PRKAR2B: variants seen among roughly 807,000 people sequenced by gnomAD.
The protein encoded by PRKAR2B is protein kinase cAMP-dependent type II regulatory subunit beta, also known as cAMP-dependent protein kinase type II-beta regulatory subunit.
PRKAR2B carries 14 observed loss-of-function variants against 49.9 expected under a neutral mutation model. The observed-to-expected ratio is 0.28, with a 90% CI of 0.19 to 0.44. PRKAR2B has a LOEUF of 0.44. Among genes scored for constraint, PRKAR2B ranks in the 20% least tolerant of loss-of-function variants. PRKAR2B has a pLI of 1.00. For missense variants in PRKAR2B, 393 were observed against 537.9 expected (o/e 0.73, Z 2.67); for synonymous variants, 196 against 197.7 (o/e 0.99, Z 0.07).
chr7:107,069,214 G>C (rs144989817), intron 1 of PRKAR2B, among the ~76,000 whole-genome samples: 17 of 152,304 alleles, frequency 1.1e-4, no homozygotes, highest in African/African-American at 4.1e-4. Flanking sequence ...GGGATTACAG[G>C]CGTGAGCCAC....
chr7:107,072,213 T>C (rs747277939), intron 2 of PRKAR2B, among the ~76,000 whole-genome samples: 1 of 151,962 alleles, frequency 6.6e-6, no homozygotes, highest in East Asian at 1.9e-4. Flanking sequence ...GAAATGTCAG[T>C]GAAAACAACA....
chr7:107,161,389 A>G lies in PRKAR2B; in HGVS notation c.*1807A>G, dbSNP rs1485131962. 6.6e-6 allele frequency: 1 copy of G among 152,668 alleles called. No homozygotes were observed. The highest frequency in any genetic ancestry group is 1.5e-5 in the Non-Finnish European group (1 of 68,038). 9.5% of individuals were successfully genotyped at this position (152,668 alleles called of 1,614,324 possible). A position where few individuals can be genotyped will look rare whatever the true frequency, so the allele number is the denominator to read the frequency against. ...ATTGTTAACTATTCATGGAACAGCA[A>G]ACGCCTGTTTAATAAAGAACTTTGA... On this transcript the variant is annotated 3_prime_UTR_variant, in exon 11 of 11. Transcript: ENST00000265717.
intron 1 of PRKAR2B, among the ~76,000 whole-genome samples, chr7:107,055,992 A>G (rs1284002740): frequency 3.3e-5 from 5 of 152,180 alleles, no homozygotes; most frequent in African/African-American, 7.2e-5. Context: ...TAATTTTTGT[A>G]TAAGGTGTAA....
At chr7:107,052,703 C>A (rs1226510450) in intron 1 of PRKAR2B, among the ~76,000 whole-genome samples, 1 of 152,224 alleles carries the variant, frequency 6.6e-6, no homozygotes, top group African/African-American at 2.4e-5. Context: ...AAATAAGCTA[C>A]CTACTTTTCC....
At position 107,159,424 on chromosome 7, in the gene PRKAR2B, A is replaced by T. The variant is rs200271677; in HGVS notation, c.1124-25A>T. On this transcript the variant is annotated intron_variant, in intron 10 of 10. Transcript: ENST00000265717. Reference sequence around the variant, plus strand: ...TGCAGATTTGCAAAGAATGTTATTTAAAAAAAAATCTTCTCTTTTCTCAGC... The same window carrying T: ...TGCAGATTTGCAAAGAATGTTATTTTAAAAAAAATCTTCTCTTTTCTCAGC... The T allele has an allele frequency of 2.1e-4, 340 of 1,593,996 alleles. 3 individuals carry two copies. The highest frequency in any genetic ancestry group is 1.8e-3 in the Middle Eastern group (11 of 6,020).
intron 1 of PRKAR2B, among the ~76,000 whole-genome samples, chr7:107,049,937 T>C (rs1354174343): frequency 6.7e-6 from 1 of 148,764 alleles, no homozygotes; most frequent in Non-Finnish European, 1.5e-5. Context: ...CATAAAACAA[T>C]AGTGTCAGAA....
intron 1 of PRKAR2B, among the ~76,000 whole-genome samples, chr7:107,047,502 C>G (rs1195514810): frequency 1.4e-5 from 2 of 147,678 alleles, no homozygotes; most frequent in Non-Finnish European, 3.0e-5. Context: ...AGCTGCAGAT[C>G]AAGGCCATAG....
chr7:107,094,968 A>G (rs1327166856), intron 2 of PRKAR2B, among the ~76,000 whole-genome samples: 3 of 152,204 alleles, frequency 2.0e-5, no homozygotes, highest in African/African-American at 7.2e-5. Context: ...CTTTTGACTT[A>G]GGATTGTCTT....
rs1562837330 is a variant in PRKAR2B at position 107,044,858 on chromosome 7, CG to C, written c.-46del. The stretch of plus-strand genomic sequence containing the variant: ...GCAGCCGCGGGGCCCTAGGCCGTGC[CG>C]GGGAGGGGGCGAGGGCGGCGCCCAG... On this transcript the variant is annotated 5_prime_UTR_variant, in exon 1 of 11. Transcript: ENST00000265717. The C allele has an allele frequency of 2.0e-6, 3 of 1,507,618 alleles. No homozygotes were observed. In the South Asian group the frequency reaches 3.7e-5, roughly 19 times the overall value. The allele number at this position is 1,507,618 out of a possible 1,614,324, so 93.4% of individuals were successfully genotyped here.
At chr7:107,133,260 C>T (rs1022781301) in intron 4 of PRKAR2B, among the ~76,000 whole-genome samples, 7 of 152,130 alleles carry the variant, frequency 4.6e-5, no homozygotes, top group African/African-American at 1.7e-4. Context: ...TCAGGAATTG[C>T]CTTTTCATAT....
At chr7:107,154,665 A>G (rs866373485) in intron 8 of PRKAR2B, among the ~76,000 whole-genome samples, 1 of 152,222 alleles carries the variant, frequency 6.6e-6, no homozygotes, top group African/African-American at 2.4e-5. Context: ...AACTTCTTGA[A>G]TTTGTATTAA....
Position 107,045,201 on chromosome 7 carries a change from A to G in PRKAR2B, c.294A>G (p.Ala98=). 2 of 1,457,774 alleles carry G rather than the reference A, an allele frequency of 1.4e-6. No individual in the cohort carries two copies. Among genetic ancestry groups the G allele is most frequent in the Non-Finnish European group, 1.8e-6 (2 of 1,106,214 alleles). The allele number at this position is 1,457,774 out of a possible 1,614,324, so 90.3% of individuals were successfully genotyped here. The change falls in exon 1 of 11, where the codon GCA becomes GCG. Residue 98 remains alanine (A), a synonymous_variant. Coordinates refer to ENST00000265717, the MANE Select transcript of PRKAR2B (RefSeq NM_002736.3). ...AGGAGGAGGCGGCGCCCGCGGACGC[A>G]GGGGCGTTCAATGGTGAGGACCAGA... ...GEEEEAAPAD[A]GAFNAPVINR...
chr7:107,151,566 T>C (rs1795988604), intron 7 of PRKAR2B, among the ~76,000 whole-genome samples: 1 of 152,238 alleles, frequency 6.6e-6, no homozygotes. Flanking sequence ...AATAAACCCA[T>C]TGTGAGTTGA....
At chr7:107,090,132 G>A (rs1338959126) in intron 2 of PRKAR2B, among the ~76,000 whole-genome samples, 1 of 152,176 alleles carries the variant, frequency 6.6e-6, no homozygotes, top group Non-Finnish European at 1.5e-5. Context: ...GGTTTATTGA[G>A]ATGGCAGGGG....
At position 107,150,980 on chromosome 7, in the gene PRKAR2B, A is replaced by T; in HGVS notation, c.800A>T (p.Tyr267Phe). 1 of 1,599,906 alleles carries T rather than the reference A, an allele frequency of 6.3e-7. No individual in the cohort carries two copies. Among genetic ancestry groups the T allele is most frequent in the Non-Finnish European group, 8.5e-7 (1 of 1,174,086 alleles). ...AACAATGCCAAAAAGAGAAAAATGT[A>T]TGAAAGCTTTATTGAGTCACTGCCA... ...VKNNAKKRKM[Y>F]ESFIESLPFL... Residue 267 changes from tyrosine to phenylalanine, a missense_variant, in exon 7 of 11, where the codon TAT becomes TTT. This residue lies in a region of PRKAR2B where 233 missense variants were observed against 390.4 expected (regional missense o/e 0.60). Coordinates refer to ENST00000265717, the MANE Select transcript of PRKAR2B (RefSeq NM_002736.3).
chr7:107,048,290 G>A (rs1242228675), intron 1 of PRKAR2B, among the ~76,000 whole-genome samples: 1 of 152,134 alleles, frequency 6.6e-6, no homozygotes, highest in Non-Finnish European at 1.5e-5. Context: ...AGTAAGTAGG[G>A]AAGCCTGATT....
At chr7:107,118,953 T>C (rs1429490836) in intron 2 of PRKAR2B, among the ~76,000 whole-genome samples, 1 of 152,196 alleles carries the variant, frequency 6.6e-6, no homozygotes, top group Non-Finnish European at 1.5e-5. Context: ...TAAGTCCTTG[T>C]AGTACTGGCA....
intron 1 of PRKAR2B, among the ~76,000 whole-genome samples, chr7:107,055,154 A>G (rs1188496622): frequency 1.3e-5 from 2 of 152,090 alleles, no homozygotes; most frequent in East Asian, 3.9e-4. Flanking sequence ...ATCCTTTTTT[A>G]TGGCTGCATA....
intron 8 of PRKAR2B, among the ~76,000 whole-genome samples, chr7:107,154,464 C>G (rs540505676): frequency 6.6e-6 from 1 of 152,008 alleles, no homozygotes; most frequent in Non-Finnish European, 1.5e-5. Flanking sequence ...TCAGAACACT[C>G]GAAAACTTAA....
Sources: gnomAD v4.1 joint callset for allele counts (sites outside exome capture counted in the v4.1 genomes callset) on GRCh38, gnomAD v4.1.1 for gene constraint, gnomAD v4.1.1 regional missense constraint, MANE v1.5 for transcripts, NCBI Gene and HGNC (gene_info 2026-07-23, HGNC 2026-07-21) for gene names.